Variants in ATG9A observed in about 807,000 individuals in gnomAD.
ATG9A encodes the protein autophagy related 9A, also known as autophagy-related protein 9A.
A neutral mutation model predicts 87.1 loss-of-function variants in ATG9A; 21 were observed. The observed-to-expected ratio is 0.24, with a 90% CI of 0.17 to 0.35. The LOEUF (loss-of-function observed/expected upper bound fraction) is 0.35. ATG9A is among the 10% of genes least tolerant of loss of function. ATG9A has a pLI of 1.00. For missense variants in ATG9A, 836 were observed against 1,107.3 expected (o/e 0.76, Z 3.48); for synonymous variants, 422 against 441.3 (o/e 0.96, Z 0.55).
rs905197642 is a variant in ATG9A, at chr2:219,223,608, C to T, written c.1576G>A (p.Val526Ile). 7 of 1,609,888 alleles carry T rather than the reference C, an allele frequency of 4.3e-6. No homozygotes were observed. Among genetic ancestry groups the T allele is most frequent in the South Asian group, 2.2e-5 (2 of 90,622 alleles). Reference protein sequence around the residue: ...GDTCSFAQMDVRQHGHPQWLS... With the variant: ...GDTCSFAQMDIRQHGHPQWLS... ...ACCTGGGGATGACCATGCTGGCGAA[C>T]ATCCATCTGAGCAAAGGAGCAGGTA... Residue 526 changes from valine (V) to isoleucine (I), a missense_variant, in exon 10 of 16, where the codon GTT (valine) becomes ATT (isoleucine). Around this residue, in one of 2 missense-constraint regions of ATG9A, gnomAD observed 512 missense variants for 759.6 expected, o/e 0.67. Transcript: ENST00000361242. The surrounding 1 kb of genome is among the most constrained non-coding windows in gnomAD (Gnocchi z 4.7).
intron 4 of ATG9A, among the ~76,000 whole-genome samples, chr2:219,227,476 C>G (rs557540100): frequency 1.3e-5 from 2 of 152,034 alleles, no homozygotes; most frequent in South Asian, 4.2e-4. Flanking sequence ...GAGATCGCCC[C>G]TGGACTCTAG....
Position 219,228,121 on chromosome 2 carries a change from C to T in ATG9A, c.-29-68G>A, listed in dbSNP as rs1227373028. The stretch of plus-strand genomic sequence containing the variant: ...TGCTGCCCATGGGCTGCCCTGCCTA[C>T]TGCCAAAAGGAGAAAGTACCCTTGG... On this transcript the variant is annotated intron_variant, in intron 2 of 15. Coordinates refer to ENST00000361242, the MANE Select transcript of ATG9A (RefSeq NM_001077198.3). 3.6e-6 allele frequency: 4 copies of T among 1,118,416 alleles called. No individual in the cohort carries two copies. In the Admixed American group the frequency reaches 7.1e-5, roughly 20 times the overall value. The allele number at this position is 1,118,416 out of a possible 1,614,324, so 69.3% of individuals were successfully genotyped here. A position where few individuals can be genotyped will look rare whatever the true frequency, so the allele number is the denominator to read the frequency against.
Position 219,224,543 on chromosome 2 carries a change from CCCA to C in ATG9A, c.825_827del (p.Gly277del). 2 of 1,614,170 alleles carry C rather than the reference CCCA, an allele frequency of 1.2e-6. No individual in the cohort carries two copies. Among genetic ancestry groups the C allele is most frequent in the Non-Finnish European group, 1.7e-6 (2 of 1,180,030 alleles). On this transcript the variant is annotated inframe_deletion, in exon 8 of 16. Transcript: ENST00000361242. This position sits in a 1 kb window ranked among gnomAD's most constrained non-coding sequence, Gnocchi z 7.7. ...GCTGGGCCAGCTCTAGCCGTTGCCC[CCCA>C]CGTTTGTACTCGGCCTTGAGGCTCC...
chr2:219,222,749 C>A lies in ATG9A; in HGVS notation c.1744G>T (p.Glu582Ter). Residue 582 changes from glutamate (E) to a stop codon, truncating the protein, a stop_gained, in exon 11 of 16, where the codon GAG (glutamate) becomes TAG (stop). Transcript: ENST00000361242. LOFTEE classifies it high-confidence loss of function. This position sits in a 1 kb window ranked among gnomAD's most constrained non-coding sequence, Gnocchi z 4.3. ...ESTAFLGFLK[E>*]QVQRDGAAAS... ...GCTGCTCCATCCCGCTGAACCTGCT[C>A]CTTGAGGAAGCCTAGGAAGGCTGTG... is the stretch of plus-strand genomic sequence containing the variant. 1 of 1,614,192 alleles carries A rather than the reference C, an allele frequency of 6.2e-7. No homozygotes were observed. The highest frequency in any genetic ancestry group is 8.5e-7 in the Non-Finnish European group (1 of 1,180,042).
chr2:219,225,668 C>T lies in ATG9A; in HGVS notation c.213-96G>A, dbSNP rs1382798234. On this transcript the variant is annotated intron_variant, in intron 5 of 15. Coordinates refer to ENST00000361242, the MANE Select transcript of ATG9A (RefSeq NM_001077198.3). ...AGAGTCTGGAGGTGGCAGAACAAGA[C>T]TGGGAACTGGAAGGGCCTGGAGAAC... 2.9e-6 allele frequency: 4 copies of T among 1,386,408 alleles called. No homozygotes were observed. In the East Asian group the frequency reaches 9.5e-5, roughly 33 times the overall value. The allele number at this position is 1,386,408 out of a possible 1,614,324, so 85.9% of individuals were successfully genotyped here. A position where few individuals can be genotyped will look rare whatever the true frequency, so the allele number is the denominator to read the frequency against.
Position 219,224,532 on chromosome 2 carries a change from A to C in ATG9A, c.839T>G (p.Leu280Arg). ...GTTGCTGAGGCGCTGGGCCAGCTCTAGCCGTTGCCCCCCACGTTTGTACTC... is the reference window on the plus strand; with the variant it reads ...GTTGCTGAGGCGCTGGGCCAGCTCTCGCCGTTGCCCCCCACGTTTGTACTC... ...KAEYKRGGQR[L>R]ELAQRLSNRI... The change falls in exon 8 of 16, where the codon CTA becomes CGA. Residue 280 changes from leucine to arginine, a missense_variant. Leu to Arg is a moderately radical substitution (Grantham distance 102). This residue lies in a region of ATG9A where 512 missense variants were observed against 759.6 expected (regional missense o/e 0.67). Coordinates refer to ENST00000361242, the MANE Select transcript of ATG9A (RefSeq NM_001077198.3). The surrounding 1 kb of genome is among the most constrained non-coding windows in gnomAD (Gnocchi z 7.7). 6.2e-7 allele frequency: 1 copy of C among 1,614,190 alleles called. No homozygotes were observed. The highest frequency in any genetic ancestry group is 8.5e-7 in the Non-Finnish European group (1 of 1,180,030).
Position 219,222,250 on chromosome 2 carries a change from A to G in ATG9A, c.2027+22T>C, listed in dbSNP as rs1211580177. ...CTGCTGAGGGCTGCCGTGCCCTCCC[A>G]TCTTGGCCCCGATTTACTCACCCAG... On this transcript the variant is annotated intron_variant, in intron 12 of 15. Coordinates refer to ENST00000361242, the MANE Select transcript of ATG9A (RefSeq NM_001077198.3). This position sits in a 1 kb window ranked among gnomAD's most constrained non-coding sequence, Gnocchi z 4.3. 6.2e-7 allele frequency: 1 copy of G among 1,613,438 alleles called. No homozygotes were observed.
chr2:219,223,572 C>T lies in ATG9A; in HGVS notation c.1599+13G>A. The T allele has an allele frequency of 6.3e-7, 1 of 1,583,690 alleles. No homozygotes were observed. The highest frequency in any genetic ancestry group is 1.1e-5 in the South Asian group (1 of 87,206). On this transcript the variant is annotated intron_variant, in intron 10 of 15. Coordinates refer to ENST00000361242, the MANE Select transcript of ATG9A (RefSeq NM_001077198.3). The surrounding 1 kb of genome is among the most constrained non-coding windows in gnomAD (Gnocchi z 4.7). The stretch of plus-strand genomic sequence containing the variant: ...ATCATCCCAGGCCACCTGGCTCCCT[C>T]CTCTCCCAGTACCTGGGGATGACCA...
chr2:219,226,840 C>G, intron 5 of ATG9A, 29 bp downstream of exon 5: 1 of 1,587,160 alleles, frequency 6.3e-7, no homozygotes, highest in Non-Finnish European at 8.7e-7. Flanking sequence ...TATTCTTTCA[C>G]CACATCATCT....
intron 13 of ATG9A, 56 bp downstream of exon 13, chr2:219,221,994 C>G (rs771414973): frequency 9.4e-6 from 14 of 1,495,174 alleles, no homozygotes; most frequent in Non-Finnish European, 1.3e-5. Context: ...TTTGGAACCC[C>G]GGTCTTGCTT....
chr2:219,222,220 A>G lies in ATG9A; in HGVS notation c.2027+52T>C. The stretch of plus-strand genomic sequence containing the variant: ...AGCTGTGAACTTCTCTGAGACCCAC[A>G]CAAGCTGCTGAGGGCTGCCGTGCCC... On this transcript the variant is annotated intron_variant, in intron 12 of 15. Transcript: ENST00000361242. This position sits in a 1 kb window ranked among gnomAD's most constrained non-coding sequence, Gnocchi z 4.3. 6.2e-7 allele frequency: 1 copy of G among 1,613,158 alleles called. No homozygotes were observed. Among genetic ancestry groups the G allele is most frequent in the Non-Finnish European group, 8.5e-7 (1 of 1,179,674 alleles).
intron 1 of ATG9A, chr2:219,228,991 T>C (rs577052701): frequency 3.3e-5 from 5 of 152,222 alleles, no homozygotes; most frequent in African/African-American, 1.2e-4. Context: ...AAGCCAGGCA[T>C]GGTCGAGGTG....
Position 219,221,075 on chromosome 2 carries a change from G to T in ATG9A, c.2368+5C>A, listed in dbSNP as rs1950749447. On this transcript the variant is annotated splice_donor_5th_base_variant and intron_variant, in intron 14 of 15. Coordinates refer to ENST00000361242, the MANE Select transcript of ATG9A (RefSeq NM_001077198.3). ...TCTGTTTCCTCCTATACCCCCACTG[G>T]ATACCTGTGATGCCACCGTAGCGCC... 6.2e-7 allele frequency: 1 copy of T among 1,612,458 alleles called. No individual in the cohort carries two copies. Among genetic ancestry groups the T allele is most frequent in the African/African-American group, 1.3e-5 (1 of 74,818 alleles).
chr2:219,227,041 T>C lies in ATG9A; in HGVS notation c.148-108A>G, dbSNP rs1950875343. The C allele has an allele frequency of 6.5e-6, 6 of 917,562 alleles. No individual in the cohort carries two copies. The East Asian group carries it at 1.5e-4, about 23-fold the overall frequency. 56.8% of individuals were successfully genotyped at this position (917,562 alleles called of 1,614,324 possible). A position where few individuals can be genotyped will look rare whatever the true frequency, so the allele number is the denominator to read the frequency against. ...CTGGCTCTGTGACTTTCTAGCTGTG[T>C]GACTTTACCAAGTTACTTAACCTGT... On this transcript the variant is annotated intron_variant, in intron 4 of 15. Transcript: ENST00000361242.
chr2:219,222,875 T>C lies in ATG9A; in HGVS notation c.1618A>G (p.Thr540Ala). ...GCTTGCTGGTACACTGAGGCCTCTG[T>C]CTGCCCAGCAGATAGCCACTGCACA... is the stretch of plus-strand genomic sequence containing the variant. ...GHPQWLSAGQ[T>A]EASVYQQAED... Residue 540 changes from threonine to alanine, a missense_variant, in exon 11 of 16, where the codon ACA (threonine) becomes GCA (alanine). Transcript: ENST00000361242. The surrounding 1 kb of genome is among the most constrained non-coding windows in gnomAD (Gnocchi z 4.3). 1 of 1,614,076 alleles carries C rather than the reference T, an allele frequency of 6.2e-7. No individual in the cohort carries two copies.
rs934773615 is a variant in ATG9A, at chr2:219,224,908, G to A, written c.517-54C>T. On this transcript the variant is annotated intron_variant, in intron 7 of 15. Coordinates refer to ENST00000361242, the MANE Select transcript of ATG9A (RefSeq NM_001077198.3). This position sits in a 1 kb window ranked among gnomAD's most constrained non-coding sequence, Gnocchi z 7.7. ...GTACGGAAGGTGGGGTTGTTGCCTC[G>A]ACCCCTTTGCCCTATATTAGAAGTG... 3.8e-6 allele frequency: 6 copies of A among 1,594,456 alleles called. No individual in the cohort carries two copies. The highest frequency in any genetic ancestry group is 4.3e-6 in the Non-Finnish European group (5 of 1,167,944).
rs754362059 is a variant in ATG9A at position 219,222,687 on chromosome 2, A to C, written c.1806T>G (p.Asn602Lys). Residue 602 changes from asparagine to lysine, a missense_variant, in exon 11 of 16, where the codon AAT (asparagine) becomes AAG (lysine). Physicochemically the swap from Asn to Lys is moderately conservative, Grantham distance 94. Transcript: ENST00000361242. This position sits in a 1 kb window ranked among gnomAD's most constrained non-coding sequence, Gnocchi z 4.3. Reference sequence around the variant, plus strand: ...AGGACTGGATAGACGTAAAGAGGGCATTTTCAGGGAGCAGACCCCCTTGGG... The same window carrying C: ...AGGACTGGATAGACGTAAAGAGGGCCTTTTCAGGGAGCAGACCCCCTTGGG... Reference protein sequence around the residue: ...SLAQGGLLPENALFTSIQSLQ... With the variant: ...SLAQGGLLPEKALFTSIQSLQ... 12 of 1,614,056 alleles carry C rather than the reference A, an allele frequency of 7.4e-6. No individual in the cohort carries two copies. Among genetic ancestry groups the C allele is most frequent in the African/African-American group, 1.3e-5 (1 of 74,936 alleles).
chr2:219,221,202 C>T lies in ATG9A; in HGVS notation c.2246G>A (p.Gly749Asp). ...GESAPDEGGE[G>D]ARAPQSIPRS... ...AGGGATAGACTGGGGGGCCCGGGCG[C>T]CCTCTCCCCCTTCATCAGGGGCGCT... The change falls in exon 14 of 16, where the codon GGC becomes GAC. Residue 749 changes from glycine (G) to aspartate (D), a missense_variant. Gly to Asp is a moderately conservative substitution (Grantham distance 94, BLOSUM62 -1). Transcript: ENST00000361242. 1 of 1,591,292 alleles carries T rather than the reference C, an allele frequency of 6.3e-7. No homozygotes were observed. Among genetic ancestry groups the T allele is most frequent in the Non-Finnish European group, 8.6e-7 (1 of 1,169,314 alleles).
At position 219,224,074 on chromosome 2, in the gene ATG9A, C is replaced by T. The variant is rs1950816987; in HGVS notation, c.1265+32G>A. ...TGTATGCCTTTCCCAGGAATGCTAGCCGGCTTGCTCCCGCCTGTGGCCCTG... is the reference window on the plus strand; with the variant it reads ...TGTATGCCTTTCCCAGGAATGCTAGTCGGCTTGCTCCCGCCTGTGGCCCTG... On this transcript the variant is annotated intron_variant, in intron 8 of 15. Coordinates refer to ENST00000361242, the MANE Select transcript of ATG9A (RefSeq NM_001077198.3). The surrounding 1 kb of genome is among the most constrained non-coding windows in gnomAD (Gnocchi z 7.7). 6.2e-7 allele frequency: 1 copy of T among 1,606,814 alleles called. No homozygotes were observed. Among genetic ancestry groups the T allele is most frequent in the African/African-American group, 1.3e-5 (1 of 74,834 alleles).
Sources: allele counts gnomAD v4.1 joint callset (sites outside exome capture counted in the v4.1 genomes callset), GRCh38; gene constraint gnomAD v4.1.1; regional missense constraint gnomAD v4.1.1; non-coding constraint Gnocchi (gnomAD v3.1); transcripts MANE v1.5; gene names NCBI Gene and HGNC (gene_info 2026-07-23, HGNC 2026-07-21).